Variants in MTR observed in about 807,000 individuals in gnomAD.
MTR encodes the protein 5-methyltetrahydrofolate-homocysteine methyltransferase, also known as methionine synthase.
In MTR, 84 loss-of-function variants were observed where a neutral mutation model predicts 154.8. The ratio of observed to expected loss-of-function variants is 0.54; its 90% CI spans 0.45 to 0.65. MTR has a LOEUF of 0.65. MTR is among the 30% of genes least tolerant of loss of function. The probability of loss-of-function intolerance (pLI) is 0.00; values close to 1 mark genes in which losing one functional copy is unlikely to be tolerated. For synonymous variants in MTR, 554 were observed against 553.9 expected, an observed-to-expected ratio of 1.00 and a Z score of 0.00; for missense variants, 1,275 against 1,570.2, an observed-to-expected ratio of 0.81 and a Z score of 3.18.
At chr1:236,869,767 G>C (rs1455326495) in intron 22 of MTR, among the ~76,000 whole-genome samples, 1 of 152,124 alleles carries the variant, frequency 6.6e-6, no homozygotes, top group Non-Finnish European at 1.5e-5. Context: ...GGCTGGATCT[G>C]ACCTGTGCCC....
chr1:236,901,287 T>C lies in MTR; in HGVS notation c.*3643T>C, dbSNP rs1263548114. On this transcript the variant is annotated 3_prime_UTR_variant, in exon 33 of 33. Transcript: ENST00000366577. Reference sequence around the variant, plus strand: ...ACTGTTGGCACACAGCTGGCTTTGCTAGGTTGAAGACAATGGGAGGTGTGG... The same window carrying C: ...ACTGTTGGCACACAGCTGGCTTTGCCAGGTTGAAGACAATGGGAGGTGTGG... 1 of 152,524 alleles carries C rather than the reference T, an allele frequency of 6.6e-6. No individual in the cohort carries two copies. Among genetic ancestry groups the C allele is most frequent in the Non-Finnish European group, 1.5e-5 (1 of 68,112 alleles). 9.4% of individuals were successfully genotyped at this position (152,524 alleles called of 1,614,324 possible).
chr1:236,851,812 C>T (rs762419652), intron 16 of MTR, among the ~76,000 whole-genome samples: 15 of 152,130 alleles, frequency 9.9e-5, no homozygotes, highest in Non-Finnish European at 1.9e-4. Context: ...GTGGCTGTAG[C>T]TGTTTGTTCA....
chr1:236,816,456 G>T lies in MTR; in HGVS notation c.677G>T (p.Gly226Val). 6.2e-7 allele frequency: 1 copy of T among 1,613,978 alleles called. No homozygotes were observed. Among genetic ancestry groups the T allele is most frequent in the Non-Finnish European group, 8.5e-7 (1 of 1,179,888 alleles). Residue 226 changes from glycine to valine, a missense_variant, in exon 8 of 33, where the codon GGG becomes GTG. Transcript: ENST00000366577. ...KYAPRPIFIS[G>V]TIVDKSGRTL... Reference sequence around the variant, plus strand: ...TTTACTTTGTCAATTCAGATTTCAGGGACGATCGTTGATAAAAGTGGGCGG... The same window carrying T: ...TTTACTTTGTCAATTCAGATTTCAGTGACGATCGTTGATAAAAGTGGGCGG...
At chr1:236,826,478 T>C (rs1487747355) in intron 10 of MTR, among the ~76,000 whole-genome samples, 1 of 152,164 alleles carries the variant, frequency 6.6e-6, no homozygotes, top group East Asian at 1.9e-4. Context: ...AAATTTTTTG[T>C]AGAGATGAGG....
intron 22 of MTR, among the ~76,000 whole-genome samples, chr1:236,863,855 G>A (rs889008104): frequency 1.3e-5 from 2 of 152,176 alleles, no homozygotes; most frequent in African/African-American, 4.8e-5. Context: ...GGTGCTAATA[G>A]CCGGAATATC....
At chr1:236,844,572 C>T (rs1255000849) in intron 15 of MTR, among the ~76,000 whole-genome samples, 4 of 151,196 alleles carry the variant, frequency 2.6e-5, no homozygotes, top group African/African-American at 7.3e-5. Context: ...GGAACTGATG[C>T]AGGAGATAAA....
rs188181401 is a variant in MTR, at chr1:236,866,124, T to G, written c.2405+2570T>G. On this transcript the variant is annotated intron_variant, in intron 22 of 32. Coordinates refer to ENST00000366577, the MANE Select transcript of MTR (RefSeq NM_000254.3). ...CTTGTTTTATTGTACCTCACTTTAT[T>G]GAGCTTTGCAGATACAGCATTTTGT... is the stretch of plus-strand genomic sequence containing the variant. Among the ~76,000 whole-genome samples, 25 of 152,328 alleles carry G rather than the reference T, an allele frequency of 1.6e-4. No homozygotes were observed. The East Asian group carries it at 3.9e-3, about 23-fold the overall frequency.
rs1241969409 is a variant in MTR at position 236,853,032 on chromosome 1, G to T, written c.1897G>T (p.Asp633Tyr). ...TAAGGAACTTCTGCAGCTCTGTGAA[G>T]ATCTCATCTGGAATAAAGACCCTGA... ...IHKELLQLCE[D>Y]LIWNKDPEAT... The change falls in exon 18 of 33, where the codon GAT becomes TAT. Residue 633 changes from aspartate to tyrosine, a missense_variant. By Grantham distance (160) the Asp-to-Tyr change is radical (BLOSUM62 -3). Coordinates refer to ENST00000366577, the MANE Select transcript of MTR (RefSeq NM_000254.3). 1 of 1,614,082 alleles carries T rather than the reference G, an allele frequency of 6.2e-7. No homozygotes were observed. The highest frequency in any genetic ancestry group is 8.5e-7 in the Non-Finnish European group (1 of 1,179,970).
chr1:236,800,480 TAG>T (rs1294810364), intron 1 of MTR: 3 of 985,090 alleles, frequency 3.0e-6, no homozygotes, highest in Non-Finnish European at 3.6e-6. Context: ...GCATGTAGGT[TAG>T]AGTCTTTAGT....
chr1:236,827,402 A>G (rs1248080537), intron 11 of MTR, among the ~76,000 whole-genome samples: 2 of 152,172 alleles, frequency 1.3e-5, no homozygotes. Context: ...ATGGACCTCT[A>G]TATGCCTGTC....
At chr1:236,836,546 T>C (rs765189875) in intron 14 of MTR, among the ~76,000 whole-genome samples, 8 of 152,242 alleles carry the variant, frequency 5.3e-5, no homozygotes, top group Non-Finnish European at 1.2e-4. Flanking sequence ...GGAAGTGATT[T>C]TTGAAGTTCT....
At chr1:236,825,267 A>T in intron 9 of MTR, 71 bp from the exon 10 acceptor site, 1 of 1,117,936 alleles carries the variant, frequency 8.9e-7, no homozygotes, top group Non-Finnish European at 1.4e-6. Context: ...AGTTATTAAC[A>T]TAAAGTCTTT....
chr1:236,888,898 G>A (rs1666165612), intron 27 of MTR, among the ~76,000 whole-genome samples: 1 of 152,196 alleles, frequency 6.6e-6, no homozygotes, highest in Non-Finnish European at 1.5e-5. Context: ...TAACCCGTCT[G>A]TCTTTCCTTC....
At chr1:236,877,132 C>T (rs568848240) in intron 24 of MTR, among the ~76,000 whole-genome samples, 85 of 152,334 alleles carry the variant, frequency 5.6e-4, no homozygotes, top group African/African-American at 1.8e-3. Context: ...CAGATTTCCA[C>T]GCAACCTCCA....
intron 1 of MTR, among the ~76,000 whole-genome samples, chr1:236,799,090 A>C (rs570360252): frequency 6.6e-6 from 1 of 152,296 alleles, no homozygotes; most frequent in Admixed American, 6.5e-5. Context: ...CTCTAAAGGA[A>C]AAATAAGCAA....
chr1:236,886,344 A>G lies in MTR; in HGVS notation c.2828A>G (p.Asp943Gly). 6.2e-7 allele frequency: 1 copy of G among 1,614,120 alleles called. No homozygotes were observed. Among genetic ancestry groups the G allele is most frequent in the Non-Finnish European group, 8.5e-7 (1 of 1,180,014 alleles). ...SQARKSGFQM[D>G]WLSEPHPVKP... ...GCCAGAAAAAGTGGTTTCCAAATGG[A>G]TTGGCTGTCTGAACCTCACCCAGGT... The change falls in exon 27 of 33, where the codon GAT becomes GGT. Residue 943 changes from aspartate to glycine, a missense_variant. Transcript: ENST00000366577.
rs575057926 is a variant in MTR, at chr1:236,795,360, C to T, written c.-344C>T. The T allele has an allele frequency of 1.0e-3, 1,382 of 1,358,146 alleles. 5 individuals carry two copies. The highest frequency in any genetic ancestry group is 1.9e-3 in the South Asian group (152 of 80,546). 84.1% of individuals were successfully genotyped at this position (1,358,146 alleles called of 1,614,324 possible). A position where few individuals can be genotyped will look rare whatever the true frequency, so the allele number is the denominator to read the frequency against. Reference sequence around the variant, plus strand: ...CAGAGCCGGATGTCACGTCGTCCTCCTCTGCCGGTTTTCTCTTGGGTCCTT... The same window carrying T: ...CAGAGCCGGATGTCACGTCGTCCTCTTCTGCCGGTTTTCTCTTGGGTCCTT... On this transcript the variant is annotated 5_prime_UTR_variant, in exon 1 of 33. Transcript: ENST00000366577.
At chr1:236,850,794 T>A (rs1663854157) in intron 16 of MTR, among the ~76,000 whole-genome samples, 1 of 152,118 alleles carries the variant, frequency 6.6e-6, no homozygotes, top group African/African-American at 2.4e-5. Context: ...ATCACGCCAG[T>A]GCGCTCTAGC....
chr1:236,834,718 TAAAC>T (rs1227131983), intron 13 of MTR, among the ~76,000 whole-genome samples: 1 of 152,192 alleles, frequency 6.6e-6, no homozygotes, highest in African/African-American at 2.4e-5. Flanking sequence ...AAAACTTAAA[TAAAC>T]AAAAAGTCTC....
Sources: gnomAD v4.1 joint callset for allele counts (sites outside exome capture counted in the v4.1 genomes callset) on GRCh38, gnomAD v4.1.1 for gene constraint, MANE v1.5 for transcripts, NCBI Gene and HGNC (gene_info 2026-07-23, HGNC 2026-07-21) for gene names.